Variants in CCDC126 observed in about 807,000 individuals in gnomAD.
CCDC126 encodes the protein coiled-coil domain containing 126.
A neutral mutation model predicts 11.7 loss-of-function variants in CCDC126; 5 were observed. The ratio of observed to expected loss-of-function variants is 0.43; its 90% CI spans 0.22 to 0.90. The LOEUF is 0.90. CCDC126 is among the 40% of genes least tolerant of loss of function. The pLI, the probability that CCDC126 is intolerant of heterozygous loss-of-function variation, is 0.27. For missense variants in CCDC126, 150 were observed against 163.1 expected (o/e 0.92, Z 0.44); for synonymous variants, 60 against 61.9 (o/e 0.97, Z 0.14).
Position 23,642,957 on chromosome 7 carries a change from C to T in CCDC126, c.265C>T (p.Leu89Phe), listed in dbSNP as rs748345955. ...GGATCTGAAAAGAACAATTGCTGTC[C>T]TTCTGGATGACATTTTGCAACGATT... is the stretch of plus-strand genomic sequence containing the variant. ...YADLKRTIAV[L>F]LDDILQRLVK... Residue 89 changes from leucine to phenylalanine, a missense_variant, in exon 4 of 4, where the codon CTT (leucine) becomes TTT (phenylalanine). By Grantham distance (22) the Leu-to-Phe change is conservative (BLOSUM62 0). Transcript: ENST00000307471. 1 of 1,613,682 alleles carries T rather than the reference C, an allele frequency of 6.2e-7. No homozygotes were observed. Among genetic ancestry groups the T allele is most frequent in the Non-Finnish European group, 8.5e-7 (1 of 1,179,774 alleles).
At chr7:23,621,429 T>G (rs1782895509) in intron 3 of CCDC126, among the ~76,000 whole-genome samples, 1 of 152,246 alleles carries the variant, frequency 6.6e-6, no homozygotes, top group African/African-American at 2.4e-5. Context: ...ACATTGATAT[T>G]GTATCCTGAG....
chr7:23,608,458 T>C lies in CCDC126; in HGVS notation c.-145-2713T>C, dbSNP rs561495530. Among the ~76,000 whole-genome samples, 11 of 152,318 alleles carry C rather than the reference T, an allele frequency of 7.2e-5. No homozygotes were observed. In the South Asian group the frequency reaches 2.3e-3, roughly 32 times the overall value. ...AAATTCATAAACTTTCTTAAAACAC[T>C]ATGATTTTTTTTGTGATTTTTAATT... On this transcript the variant is annotated intron_variant, in intron 2 of 3. Coordinates refer to ENST00000307471, the MANE Select transcript of CCDC126 (RefSeq NM_138771.4).
chr7:23,638,126 A>G (rs1191653236), intron 3 of CCDC126, among the ~76,000 whole-genome samples: 13 of 131,044 alleles, frequency 9.9e-5, no homozygotes, highest in East Asian at 2.6e-4. Flanking sequence ...CAGCCGCCCC[A>G]TCCGGGAGGA....
In CCDC126 at chr7:23,623,304, A is replaced by T. The variant is rs564203948; in HGVS notation, c.238+11751A>T. 1.4e-4 allele frequency among the ~76,000 whole-genome samples: 21 copies of T among 152,176 alleles called. No homozygotes were observed. In the East Asian group the frequency reaches 3.9e-3, roughly 28 times the overall value. On this transcript the variant is annotated intron_variant, in intron 3 of 3. Coordinates refer to ENST00000307471, the MANE Select transcript of CCDC126 (RefSeq NM_138771.4). ...TGTTTTGGAATTGATATTTTGTCTC[A>T]TAAAAATTTTAGACCAGGCATGGTG...
At chr7:23,638,894 C>T (rs538465388) in intron 3 of CCDC126, among the ~76,000 whole-genome samples, 45 of 145,326 alleles carry the variant, frequency 3.1e-4, no homozygotes, top group African/African-American at 1.1e-3. Flanking sequence ...AAGACTGTCC[C>T]CTGCCCATTT....
chr7:23,611,611 G>A, intron 3 of CCDC126, 58 bp downstream of exon 3: 1 of 1,295,506 alleles, frequency 7.7e-7, no homozygotes, highest in Non-Finnish European at 1.1e-6. Context: ...AGATGGTTTT[G>A]GAAATTGAAC....
At chr7:23,626,330 A>C (rs573605481) in intron 3 of CCDC126, among the ~76,000 whole-genome samples, 2 of 152,282 alleles carry the variant, frequency 1.3e-5, no homozygotes, top group East Asian at 3.9e-4. Flanking sequence ...AGAATTCTAC[A>C]ATAACTTAAA....
intron 3 of CCDC126, among the ~76,000 whole-genome samples, chr7:23,640,508 A>AT (rs200780694): frequency 9.3e-5 from 14 of 151,186 alleles, no homozygotes; most frequent in East Asian, 3.9e-4. Flanking sequence ...AAAAAAAAAA[A>AT]TTTTTTTTTT....
intron 3 of CCDC126, among the ~76,000 whole-genome samples, chr7:23,634,009 C>G (rs1233759691): frequency 1.3e-5 from 2 of 152,202 alleles, no homozygotes; most frequent in African/African-American, 2.4e-5. Flanking sequence ...TGAAACACTT[C>G]TGTGTCATTT....
intron 3 of CCDC126, among the ~76,000 whole-genome samples, chr7:23,641,904 A>G (rs190772857): frequency 6.6e-6 from 1 of 152,120 alleles, no homozygotes; most frequent in African/African-American, 2.4e-5. Context: ...TTTGCACTGG[A>G]CCCTAGGCTC....
intron 3 of CCDC126, among the ~76,000 whole-genome samples, chr7:23,630,862 A>G (rs1217800854): frequency 6.6e-6 from 1 of 152,070 alleles, no homozygotes; most frequent in Non-Finnish European, 1.5e-5. Context: ...GTAGAAATCA[A>G]TAATGGAAAG....
intron 3 of CCDC126, among the ~76,000 whole-genome samples, chr7:23,634,198 C>G (rs1584215672): frequency 6.6e-6 from 1 of 152,284 alleles, no homozygotes; most frequent in Non-Finnish European, 1.5e-5. Flanking sequence ...GTAATCCCAG[C>G]CCTTTGGGAG....
At chr7:23,619,104 C>T (rs1312305714) in intron 3 of CCDC126, among the ~76,000 whole-genome samples, 2 of 152,164 alleles carry the variant, frequency 1.3e-5, no homozygotes. Context: ...CCCAGGCCCT[C>T]AACTGCTCTA....
At chr7:23,634,349 G>C (rs1486997356) in intron 3 of CCDC126, among the ~76,000 whole-genome samples, 1 of 152,012 alleles carries the variant, frequency 6.6e-6, no homozygotes, top group East Asian at 1.9e-4. Flanking sequence ...TGGGGAGGGG[G>C]CACTGAGGTG....
At chr7:23,621,154 A>T (rs1336425242) in intron 3 of CCDC126, among the ~76,000 whole-genome samples, 1 of 152,224 alleles carries the variant, frequency 6.6e-6, no homozygotes, top group African/African-American at 2.4e-5. Context: ...CATTCAATCT[A>T]TAAATTACCT....
intron 2 of CCDC126, among the ~76,000 whole-genome samples, chr7:23,603,244 G>A (rs951991540): frequency 6.6e-6 from 1 of 152,032 alleles, no homozygotes; most frequent in Non-Finnish European, 1.5e-5. Flanking sequence ...TAAGACTTCC[G>A]AAATCCTTCT....
chr7:23,637,203 TG>T (rs1207219491), intron 3 of CCDC126, among the ~76,000 whole-genome samples: 1 of 30,406 alleles, frequency 3.3e-5, no homozygotes, highest in African/African-American at 1.4e-4. Flanking sequence ...GGGAGGGAGG[TG>T]GGGGGGTCAG....
At chr7:23,612,473 T>C (rs1436775336) in intron 3 of CCDC126, among the ~76,000 whole-genome samples, 1 of 7,470 alleles carries the variant, frequency 1.3e-4, no homozygotes, top group Non-Finnish European at 2.1e-4. Context: ...AGACTCCATC[T>C]CAAAAAAAAA....
chr7:23,642,330 G>T (rs1783376860), intron 3 of CCDC126, among the ~76,000 whole-genome samples: 1 of 152,200 alleles, frequency 6.6e-6, no homozygotes, highest in South Asian at 2.1e-4. Flanking sequence ...GAAACTCAAG[G>T]TAAATGAGTT....
Sources: gnomAD v4.1 joint callset for allele counts (sites outside exome capture counted in the v4.1 genomes callset) on GRCh38, gnomAD v4.1.1 for gene constraint, MANE v1.5 for transcripts, NCBI Gene and HGNC (gene_info 2026-07-23, HGNC 2026-07-21) for gene names.